Variants in CSNK1G3 observed in about 807,000 individuals in gnomAD.
CSNK1G3 encodes the protein casein kinase I isoform gamma-3.
In CSNK1G3, 23 loss-of-function variants were observed where a neutral mutation model predicts 64.3. The observed-to-expected ratio is 0.36, with a 90% CI of 0.26 to 0.51. CSNK1G3 has a LOEUF of 0.51. Ranked by LOEUF, CSNK1G3 falls within the 20% of genes least tolerant of loss-of-function variation. CSNK1G3 has a pLI of 0.96. For synonymous variants in CSNK1G3, 158 were observed against 162.2 expected (o/e 0.97, Z 0.20); for missense variants, 357 against 510.5 (o/e 0.70, Z 2.90).
intron 7 of CSNK1G3, 51 bp from the exon 8 acceptor site, chr5:123,588,376 T>A: frequency 7.1e-7 from 1 of 1,416,376 alleles, no homozygotes. Context: ...CAGTCCCAGC[T>A]AAATAATTTT....
chr5:123,610,581 C>G (rs1448707280), intron 12 of CSNK1G3, among the ~76,000 whole-genome samples: 2 of 152,082 alleles, frequency 1.3e-5, no homozygotes, highest in Non-Finnish European at 2.9e-5. Flanking sequence ...TAGCACAAGC[C>G]TGTATGTGTT....
At chr5:123,517,470 C>G (rs1580829685) in intron 1 of CSNK1G3, among the ~76,000 whole-genome samples, 1 of 150,284 alleles carries the variant, frequency 6.7e-6, no homozygotes, top group East Asian at 2.0e-4. Flanking sequence ...AGTGAGTAGC[C>G]AAAATCAATT....
At chr5:123,608,054 C>A (rs535470609) in intron 12 of CSNK1G3, among the ~76,000 whole-genome samples, 5 of 152,090 alleles carry the variant, frequency 3.3e-5, no homozygotes, top group South Asian at 2.1e-4. Flanking sequence ...CCCAGCCCCC[C>A]CAGTAGGTGG....
At chr5:123,590,702 A>G (rs1428767692) in intron 9 of CSNK1G3, 144 bp downstream of exon 9, 2 of 478,582 alleles carry the variant, frequency 4.2e-6, no homozygotes, top group Non-Finnish European at 6.9e-6. Context: ...TTCTGCAGGT[A>G]GTGCCGTACT....
At chr5:123,612,682 T>C (rs1369854022) in intron 12 of CSNK1G3, among the ~76,000 whole-genome samples, 2 of 152,100 alleles carry the variant, frequency 1.3e-5, no homozygotes, top group Non-Finnish European at 2.9e-5. Context: ...TTTACCATGT[T>C]GGTCAGGCTG....
At chr5:123,529,319 C>A (rs1240572087) in intron 1 of CSNK1G3, among the ~76,000 whole-genome samples, 1 of 152,134 alleles carries the variant, frequency 6.6e-6, no homozygotes, top group Non-Finnish European at 1.5e-5. Flanking sequence ...ATCCTGGAAG[C>A]AGTGGTTCAG....
intron 12 of CSNK1G3, among the ~76,000 whole-genome samples, chr5:123,613,978 T>TC (rs918314136): frequency 6.6e-6 from 1 of 152,146 alleles, no homozygotes; most frequent in Non-Finnish European, 1.5e-5. Context: ...GAGAATAAAC[T>TC]CCCCAATGTT....
At chr5:123,540,179 C>G (rs1311687395) in intron 1 of CSNK1G3, among the ~76,000 whole-genome samples, 1 of 151,876 alleles carries the variant, frequency 6.6e-6, no homozygotes, top group Non-Finnish European at 1.5e-5. Context: ...CTGCTTTATC[C>G]AGTTTGCCAC....
At position 123,561,919 on chromosome 5, in the gene CSNK1G3, T is replaced by TA. The variant is rs1785810324; in HGVS notation, c.289+4359dup. ...AAAAAGTTCTGTCAATTTTGTCTCT[T>TA]AAAATCTCTCTTGACTTAATTCTCT... On this transcript the variant is annotated intron_variant, in intron 4 of 12. Coordinates refer to ENST00000345990, the Ensembl canonical transcript of CSNK1G3. Among the ~76,000 whole-genome samples, 6 of 152,300 alleles carry TA rather than the reference T, an allele frequency of 3.9e-5. No homozygotes were observed. In the South Asian group the frequency reaches 1.2e-3, roughly 32 times the overall value.
intron 1 of CSNK1G3, among the ~76,000 whole-genome samples, chr5:123,544,662 A>G (rs1311233880): frequency 2.6e-5 from 4 of 152,350 alleles, no homozygotes; most frequent in South Asian, 2.1e-4. Flanking sequence ...CCCAGAGACT[A>G]TGAATGGGGC....
intron 4 of CSNK1G3, among the ~76,000 whole-genome samples, chr5:123,559,672 C>T (rs1013228751): frequency 4.8e-5 from 7 of 147,334 alleles, no homozygotes; most frequent in East Asian, 3.9e-4. Flanking sequence ...GTATTTTGTA[C>T]GAGTCATGAA....
At chr5:123,524,961 G>A (rs1014637143) in intron 1 of CSNK1G3, among the ~76,000 whole-genome samples, 6 of 152,088 alleles carry the variant, frequency 3.9e-5, no homozygotes, top group Admixed American at 3.3e-4. Context: ...ATCCTAATAG[G>A]AGCATGTGAA....
intron 6 of CSNK1G3, among the ~76,000 whole-genome samples, chr5:123,583,996 G>C (rs892740498): frequency 1.5e-4 from 23 of 152,068 alleles, no homozygotes; most frequent in Non-Finnish European, 2.5e-4. Flanking sequence ...CCTGGCCCCA[G>C]TTGATTTTTA....
intron 3 of CSNK1G3, among the ~76,000 whole-genome samples, chr5:123,557,140 A>G (rs1230051513): frequency 3.3e-5 from 5 of 152,134 alleles, no homozygotes; most frequent in African/African-American, 1.2e-4. Flanking sequence ...TAGAACCTTT[A>G]TGTAAGAAAT....
At chr5:123,594,903 T>C (rs1437844944) in intron 10 of CSNK1G3, 136 bp from the exon 11 acceptor site, 1 of 635,746 alleles carries the variant, frequency 1.6e-6, no homozygotes, top group East Asian at 3.0e-5. Context: ...CAAAGATAAC[T>C]GCACCATGAT....
chr5:123,558,862 G>T (rs1403103845), intron 4 of CSNK1G3, among the ~76,000 whole-genome samples: 2 of 152,136 alleles, frequency 1.3e-5, no homozygotes, highest in Non-Finnish European at 2.9e-5. Flanking sequence ...TCATGTACTT[G>T]GAAATTCAAG....
chr5:123,605,269 A>G (rs940421702), intron 11 of CSNK1G3, 70 bp from the exon 13 acceptor site: 13 of 1,350,940 alleles, frequency 9.6e-6, no homozygotes, highest in Middle Eastern at 1.8e-4. Context: ...GATAATTTCA[A>G]TGTGAGCTGT....
intron 1 of CSNK1G3, among the ~76,000 whole-genome samples, chr5:123,537,314 C>G (rs1384080621): frequency 6.6e-6 from 1 of 151,630 alleles, no homozygotes; most frequent in African/African-American, 2.4e-5. Flanking sequence ...AGGTCATTAT[C>G]TTAAGCTAGG....
chr5:123,560,627 C>T (rs999081645), intron 4 of CSNK1G3, among the ~76,000 whole-genome samples: 11 of 152,134 alleles, frequency 7.2e-5, no homozygotes, highest in African/African-American at 1.4e-4. Flanking sequence ...GTGGGAGCAT[C>T]GCTTGAGCCC....
Sources: gnomAD v4.1 joint callset for allele counts (sites outside exome capture counted in the v4.1 genomes callset) on GRCh38, gnomAD v4.1.1 for gene constraint, MANE v1.5 for transcripts, NCBI Gene and HGNC (gene_info 2026-07-23, HGNC 2026-07-21) for gene names.